The following PCDHGB6 variants were observed in gnomAD, a reference collection of about 807,000 sequenced individuals.
PCDHGB6 encodes protocadherin gamma-B6.
In PCDHGB6, 51 loss-of-function variants were observed where a neutral mutation model predicts 59.1. The observed-to-expected ratio is 0.86, with a 90% confidence interval of 0.69 to 1.09. The LOEUF (loss-of-function observed/expected upper bound fraction) is 1.09. Among genes scored for constraint, PCDHGB6 ranks in the 50% least tolerant of loss-of-function variants. PCDHGB6 has a pLI of 0.00. For missense variants in PCDHGB6, 1,148 were observed against 1,205.1 expected (o/e 0.95, Z 0.70); for synonymous variants, 466 against 495.1 (o/e 0.94, Z 0.78).
At chr5:141,423,265 G>C in intron 1 of PCDHGB6, 1 of 1,613,666 alleles carries the variant, frequency 6.2e-7, no homozygotes, top group Non-Finnish European at 8.5e-7. Flanking sequence ...CGGCAGCCTC[G>C]AGTCTCTGGC....
In PCDHGB6 at chr5:141,485,513, T is replaced by C. The variant is rs751762068; in HGVS notation, c.2419-9294T>C. The C allele has an allele frequency of 4.3e-6, 7 of 1,613,938 alleles. No homozygotes were observed. The highest frequency in any genetic ancestry group is 2.2e-5 in the East Asian group (1 of 44,890). On this transcript the variant is annotated intron_variant, in intron 1 of 3. Coordinates refer to ENST00000520790, the MANE Select transcript of PCDHGB6 (RefSeq NM_018926.3). The surrounding 1 kb of genome is among the most constrained non-coding windows in gnomAD (Gnocchi z 5.7). ...CCTGGAGTTTGTCACCGAAGGTCCTTTGGAAATGTACCGAGCAGAGGTAGA... is the reference window on the plus strand; with the variant it reads ...CCTGGAGTTTGTCACCGAAGGTCCTCTGGAAATGTACCGAGCAGAGGTAGA...
intron 1 of PCDHGB6, chr5:141,427,624 C>T (rs2097051687): frequency 1.4e-6 from 1 of 698,516 alleles, no homozygotes; most frequent in South Asian, 1.5e-5. Context: ...AACGACAATG[C>T]TCCGGTTTTC....
At position 141,511,238 on chromosome 5, in the gene PCDHGB6, G is replaced by A; in HGVS notation, c.*65G>A. ...CAACCAGCCCAGCTTCTCCTTACCT[G>A]CACCCAGGCCTCAGAGTTTCAGGGC... On this transcript the variant is annotated 3_prime_UTR_variant, in exon 4 of 4. Coordinates refer to ENST00000520790, the MANE Select transcript of PCDHGB6 (RefSeq NM_018926.3). 6.3e-7 allele frequency: 1 copy of A among 1,589,142 alleles called. No homozygotes were observed. The highest frequency in any genetic ancestry group is 2.3e-5 in the East Asian group (1 of 43,302).
intron 1 of PCDHGB6, among the ~76,000 whole-genome samples, chr5:141,479,050 C>T (rs1484021560): frequency 6.6e-6 from 1 of 152,164 alleles, no homozygotes; most frequent in African/African-American, 2.4e-5. Context: ...ACCTCATTCT[C>T]AGATAATTTT....
intron 1 of PCDHGB6, among the ~76,000 whole-genome samples, chr5:141,492,968 C>T: frequency 6.6e-6 from 1 of 152,240 alleles, no homozygotes; most frequent in East Asian, 1.9e-4. Flanking sequence ...GACACTCTAA[C>T]AAGTCCTGTC....
Position 141,470,005 on chromosome 5 carries a change from T to A in PCDHGB6, c.2419-24802T>A, listed in dbSNP as rs189976589. Reference sequence around the variant, plus strand: ...AATTAGCTGGTCGTCGTGGCACGCCTGTAATCCCAGCTACTCGGGATGCTG... The same window carrying A: ...AATTAGCTGGTCGTCGTGGCACGCCAGTAATCCCAGCTACTCGGGATGCTG... On this transcript the variant is annotated intron_variant, in intron 1 of 3. Coordinates refer to ENST00000520790, the MANE Select transcript of PCDHGB6 (RefSeq NM_018926.3). 2.4e-4 allele frequency among the ~76,000 whole-genome samples: 37 copies of A among 152,254 alleles called. 2 individuals carry two copies. The highest frequency in any genetic ancestry group is 7.2e-4 in the Admixed American group (11 of 15,274).
chr5:141,507,478 C>T (rs933478897), intron 3 of PCDHGB6, among the ~76,000 whole-genome samples: 5 of 152,158 alleles, frequency 3.3e-5, no homozygotes, highest in African/African-American at 1.2e-4. Flanking sequence ...GGACTGCTGG[C>T]CTCCTGAGGC....
Position 141,485,183 on chromosome 5 carries a change from A to C in PCDHGB6, c.2419-9624A>C, listed in dbSNP as rs777796801. On this transcript the variant is annotated intron_variant, in intron 1 of 3. Transcript: ENST00000520790. This position sits in a 1 kb window ranked among gnomAD's most constrained non-coding sequence, Gnocchi z 5.7. ...TTAGCGGGCGGCAGCAATGCTCCGC[A>C]AGGTGAGAAGCTGGACAGAAATCTG... 1.9e-6 allele frequency: 3 copies of C among 1,613,248 alleles called. No individual in the cohort carries two copies. The highest frequency in any genetic ancestry group is 3.3e-5 in the Admixed American group (2 of 60,006).
chr5:141,490,149 T>C lies in PCDHGB6; in HGVS notation c.2419-4658T>C. The C allele has an allele frequency of 1.9e-6, 3 of 1,614,188 alleles. No individual in the cohort carries two copies. The highest frequency in any genetic ancestry group is 2.7e-5 in the African/African-American group (2 of 75,050). On this transcript the variant is annotated intron_variant, in intron 1 of 3. Coordinates refer to ENST00000520790, the MANE Select transcript of PCDHGB6 (RefSeq NM_018926.3). This position sits in a 1 kb window ranked among gnomAD's most constrained non-coding sequence, Gnocchi z 5.4. ...TAGACCCTAGCAGTGGGGCAATCCA[T>C]GTGTTGGGTCCCATAGACTTTGAGG... is the stretch of plus-strand genomic sequence containing the variant.
Position 141,489,089 on chromosome 5 carries a change from A to T in PCDHGB6, c.2419-5718A>T, listed in dbSNP as rs1214993065. The T allele has an allele frequency of 7.4e-5, 21 of 284,398 alleles. No homozygotes were observed. Among genetic ancestry groups the T allele is most frequent in the East Asian group, 1.1e-4 (2 of 17,560 alleles). The allele number at this position is 284,398 out of a possible 1,614,324, so 17.6% of individuals were successfully genotyped here. On this transcript the variant is annotated intron_variant, in intron 1 of 3. Coordinates refer to ENST00000520790, the MANE Select transcript of PCDHGB6 (RefSeq NM_018926.3). This position sits in a 1 kb window ranked among gnomAD's most constrained non-coding sequence, Gnocchi z 4.5. ...CCCTGCCCACCCCCGCCACTCGGTGACTAAGAACTGCTGCAAGCAGGCAAA... is the reference window on the plus strand; with the variant it reads ...CCCTGCCCACCCCCGCCACTCGGTGTCTAAGAACTGCTGCAAGCAGGCAAA...
rs1264688160 is a variant in PCDHGB6, at chr5:141,493,193, G to A, written c.2419-1614G>A. 6.6e-6 allele frequency among the ~76,000 whole-genome samples: 1 copy of A among 152,128 alleles called. No individual in the cohort carries two copies. On this transcript the variant is annotated intron_variant, in intron 1 of 3. Transcript: ENST00000520790. This position sits in a 1 kb window ranked among gnomAD's most constrained non-coding sequence, Gnocchi z 4.3. ...GAGAAACTTACTATATAACTCCTTT[G>A]AGAACCTCATCTCATTTGCTCTTCC...
chr5:141,491,659 G>A lies in PCDHGB6; in HGVS notation c.2419-3148G>A. On this transcript the variant is annotated intron_variant, in intron 1 of 3. Transcript: ENST00000520790. This position sits in a 1 kb window ranked among gnomAD's most constrained non-coding sequence, Gnocchi z 6.9. ...CACAGCTCTGGCGCTGGAGCCTGACGCCATCCGGTCCCGCTCTAATACGCT... is the reference window on the plus strand; with the variant it reads ...CACAGCTCTGGCGCTGGAGCCTGACACCATCCGGTCCCGCTCTAATACGCT... 6.2e-7 allele frequency: 1 copy of A among 1,613,766 alleles called. No homozygotes were observed. The highest frequency in any genetic ancestry group is 8.5e-7 in the Non-Finnish European group (1 of 1,180,004).
chr5:141,430,151 A>T (rs774490087), intron 1 of PCDHGB6, among the ~76,000 whole-genome samples: 8 of 152,166 alleles, frequency 5.3e-5, no homozygotes, highest in Non-Finnish European at 8.8e-5. Flanking sequence ...GGATCATTCA[A>T]GGAATCTATT....
chr5:141,430,493 C>G (rs1232369484), intron 1 of PCDHGB6: 1 of 285,344 alleles, frequency 3.5e-6, no homozygotes, highest in African/African-American at 2.2e-5. Flanking sequence ...ACGAAATATC[C>G]TTTCTGGGAG....
Position 141,486,734 on chromosome 5 carries a change from C to A in PCDHGB6, c.2419-8073C>A. ...CCAGACAGGAGCTGTTCATGCTACT[C>A]GATCCTTTGACTATGAGCAAACCCA... On this transcript the variant is annotated intron_variant, in intron 1 of 3. Transcript: ENST00000520790. The surrounding 1 kb of genome is among the most constrained non-coding windows in gnomAD (Gnocchi z 5.0). The A allele has an allele frequency of 1.2e-6, 2 of 1,614,188 alleles. No homozygotes were observed. Among genetic ancestry groups the A allele is most frequent in the Non-Finnish European group, 1.7e-6 (2 of 1,180,040 alleles).
chr5:141,505,583 T>A, intron 3 of PCDHGB6, 102 bp downstream of exon 3: 1 of 1,583,650 alleles, frequency 6.3e-7, no homozygotes, highest in Non-Finnish European at 8.6e-7. Context: ...ACCTGTGTAG[T>A]TTCTCCAGAT....
chr5:141,420,238 T>C, intron 1 of PCDHGB6: 2 of 1,594,838 alleles, frequency 1.3e-6, no homozygotes, highest in South Asian at 1.1e-5. Context: ...GCATTTTAAC[T>C]CCCAGCGTTG....
intron 2 of PCDHGB6, 102 bp from the exon 3 acceptor site, chr5:141,505,291 G>A (rs2154593677): frequency 1.3e-6 from 2 of 1,565,092 alleles, no homozygotes; most frequent in Non-Finnish European, 1.7e-6. Context: ...TGGGCATGGG[G>A]TAGGGTTAGG....
chr5:141,495,005 C>A, intron 2 of PCDHGB6, 140 bp downstream of exon 2: 1 of 1,522,810 alleles, frequency 6.6e-7, no homozygotes. Context: ...TCTTGGTGTG[C>A]GGGGGGCTGG....
Sources: allele counts gnomAD v4.1 joint callset (sites outside exome capture counted in the v4.1 genomes callset), GRCh38; gene constraint gnomAD v4.1.1; non-coding constraint Gnocchi (gnomAD v3.1); transcripts MANE v1.5; gene names NCBI Gene and HGNC (gene_info 2026-07-23, HGNC 2026-07-21).